ADORA2B: variants seen among roughly 807,000 people sequenced by gnomAD.
ADORA2B encodes the protein adenosine A2b receptor.
A neutral mutation model predicts 20.8 loss-of-function variants in ADORA2B; 18 were observed. The observed-to-expected ratio is 0.87, with a 90% CI of 0.60 to 1.29. The LOEUF (loss-of-function observed/expected upper bound fraction) is 1.29. ADORA2B is among the 50% of genes most tolerant of loss of function. The pLI, the probability that ADORA2B is intolerant of heterozygous loss-of-function variation, is 0.00. For missense variants in ADORA2B, 441 were observed against 422.7 expected, an observed-to-expected ratio of 1.04 and a Z score of -0.38; for synonymous variants, 179 against 178.3, an observed-to-expected ratio of 1.00 and a Z score of -0.03.
At chr17:15,856,904 G>C in the ADORA2B span, among the ~76,000 whole-genome samples, 1,605 of 152,310 alleles carry the variant, frequency 0.011, 36 homozygotes, top group African/African-American at 0.036. Flanking sequence ...CAGACCAGCT[G>C]CAGAAATTTA....
At chr17:15,883,518 G>C in the ADORA2B span, among the ~76,000 whole-genome samples, 2 of 152,330 alleles carry the variant, frequency 1.3e-5, no homozygotes, top group South Asian at 4.1e-4. Flanking sequence ...CACAACTCCT[G>C]AATTATGATG....
At chr17:15,867,094 G>T in the ADORA2B span, among the ~76,000 whole-genome samples, 2 of 152,220 alleles carry the variant, frequency 1.3e-5, no homozygotes, top group East Asian at 3.9e-4. Context: ...GTGCTCAATG[G>T]TGCCCAGGCT....
At chr17:15,856,927 C>T in the ADORA2B span, among the ~76,000 whole-genome samples, 5 of 152,104 alleles carry the variant, frequency 3.3e-5, no homozygotes, top group African/African-American at 1.2e-4. Flanking sequence ...TAACAAGGAG[C>T]CGAATGTTAA....
At chr17:15,856,303 C>T in the ADORA2B span, among the ~76,000 whole-genome samples, 1 of 151,884 alleles carries the variant, frequency 6.6e-6, no homozygotes, top group Non-Finnish European at 1.5e-5. Flanking sequence ...AAGAAGGTGC[C>T]TATTTCCCTT....
chr17:15,942,530 T>C (rs1969753648), upstream of ADORA2B, among the ~76,000 whole-genome samples: 1 of 152,118 alleles, frequency 6.6e-6, no homozygotes, highest in African/African-American at 2.4e-5. Flanking sequence ...ATACATTGGG[T>C]GATTCAGGGA....
the ADORA2B span, among the ~76,000 whole-genome samples, chr17:15,904,976 T>C: frequency 6.6e-6 from 1 of 152,246 alleles, no homozygotes; most frequent in Non-Finnish European, 1.5e-5. Context: ...AATCTTGAAA[T>C]CTAGTCTTCT....
chr17:15,930,143 G>T, the ADORA2B span, among the ~76,000 whole-genome samples: 1 of 152,312 alleles, frequency 6.6e-6, no homozygotes, highest in South Asian at 2.1e-4. Context: ...GGCAGAGGAA[G>T]AATCGGGGCT....
At chr17:15,864,700 T>C in the ADORA2B span, among the ~76,000 whole-genome samples, 1 of 152,120 alleles carries the variant, frequency 6.6e-6, no homozygotes, top group Non-Finnish European at 1.5e-5. Flanking sequence ...CATCTGGTGC[T>C]CTGGTTAGTG....
At chr17:15,929,963 G>A in the ADORA2B span, among the ~76,000 whole-genome samples, 1 of 152,206 alleles carries the variant, frequency 6.6e-6, no homozygotes, top group African/African-American at 2.4e-5. Context: ...GCACAATAAT[G>A]TGAATGTACA....
upstream of ADORA2B, chr17:15,944,970 G>C (rs934130660): frequency 1.6e-5 from 4 of 256,032 alleles, no homozygotes; most frequent in African/African-American, 2.3e-5. The surrounding 1 kb of genome is among the most constrained non-coding windows in gnomAD (Gnocchi z 4.8). Context: ...CGCCTGGACC[G>C]GAGGGGCCCC....
At chr17:15,966,662 T>TA (rs1383543788) in intron 1 of ADORA2B, among the ~76,000 whole-genome samples, 2 of 152,182 alleles carry the variant, frequency 1.3e-5, no homozygotes, top group Non-Finnish European at 2.9e-5. Flanking sequence ...ATGAGCTCCT[T>TA]ATAAGGAGAA....
chr17:15,929,368 G>A, the ADORA2B span, among the ~76,000 whole-genome samples: 19 of 152,204 alleles, frequency 1.2e-4, no homozygotes, highest in African/African-American at 4.3e-4. Context: ...GACCAGGTGA[G>A]CCCAGGAGCC....
At chr17:15,903,859 G>A in the ADORA2B span, among the ~76,000 whole-genome samples, 4 of 151,810 alleles carry the variant, frequency 2.6e-5, no homozygotes, top group Non-Finnish European at 5.9e-5. Flanking sequence ...ATAGTATCTC[G>A]TGGCTTTCAT....
the ADORA2B span, among the ~76,000 whole-genome samples, chr17:15,924,400 G>T: frequency 6.6e-6 from 1 of 152,140 alleles, no homozygotes; most frequent in Admixed American, 6.5e-5. Context: ...ACATGGTGGG[G>T]TATGAATTTA....
the ADORA2B span, among the ~76,000 whole-genome samples, chr17:15,883,936 T>C: frequency 6.6e-6 from 1 of 152,220 alleles, no homozygotes; most frequent in African/African-American, 2.4e-5. Context: ...ATATTTACCA[T>C]GTGAACGACA....
the ADORA2B span, among the ~76,000 whole-genome samples, chr17:15,898,201 A>C: frequency 1.3e-5 from 2 of 152,222 alleles, no homozygotes; most frequent in South Asian, 2.1e-4. Flanking sequence ...AGTAAGGATA[A>C]AGATACAATG....
At chr17:15,871,032 C>T in the ADORA2B span, among the ~76,000 whole-genome samples, 1 of 152,104 alleles carries the variant, frequency 6.6e-6, no homozygotes, top group East Asian at 1.9e-4. Flanking sequence ...AAAATAAAGA[C>T]GAAGGGCTCT....
the ADORA2B span, among the ~76,000 whole-genome samples, chr17:15,895,411 T>A: frequency 6.6e-5 from 10 of 152,172 alleles, no homozygotes; most frequent in African/African-American, 2.4e-4. Flanking sequence ...TTGTATTTAT[T>A]TAAATCATGT....
the ADORA2B span, among the ~76,000 whole-genome samples, chr17:15,906,087 G>C: frequency 2.0e-5 from 3 of 152,096 alleles, no homozygotes; most frequent in Admixed American, 6.5e-5. Context: ...TTTCCAATTC[G>C]TATGCCATTT....
Sources: gnomAD v4.1 joint callset for allele counts (sites outside exome capture counted in the v4.1 genomes callset) on GRCh38, gnomAD v4.1.1 for gene constraint, Gnocchi (gnomAD v3.1) non-coding constraint, MANE v1.5 for transcripts, NCBI Gene and HGNC (gene_info 2026-07-23, HGNC 2026-07-21) for gene names.